ZSCAN9: variants seen among roughly 807,000 people sequenced by gnomAD.
ZSCAN9 encodes the protein zinc finger and SCAN domain-containing protein 9.
Under a neutral mutation model 23.0 loss-of-function variants are expected in ZSCAN9, and 19 were observed. The observed-to-expected ratio is 0.83, with a 90% confidence interval of 0.58 to 1.21. The LOEUF (loss-of-function observed/expected upper bound fraction) is 1.21. Ranked by LOEUF, ZSCAN9 falls within the 50% of genes most tolerant of loss-of-function variation. The probability of loss-of-function intolerance (pLI) is 0.00; values close to 1 mark genes in which losing one functional copy is unlikely to be tolerated. For missense variants in ZSCAN9, 467 were observed against 471.5 expected, an observed-to-expected ratio of 0.99 and a Z score of 0.09; for synonymous variants, 155 against 164.8, an observed-to-expected ratio of 0.94 and a Z score of 0.46.
At chr6:28,232,031 G>A (rs1760315120) in intron 3 of ZSCAN9, among the ~76,000 whole-genome samples, 1 of 152,084 alleles carries the variant, frequency 6.6e-6, no homozygotes, top group East Asian at 1.9e-4. Context: ...TCCCTATGAA[G>A]TATAAAAAAG....
At chr6:28,230,357 G>A in intron 3 of ZSCAN9, 1 of 1,527,754 alleles carries the variant, frequency 6.5e-7, no homozygotes. Context: ...AGTTTGAGGA[G>A]AAGGGCAGTA....
At position 28,227,801 on chromosome 6, in the gene ZSCAN9, G is replaced by T. The variant is rs1581561854; in HGVS notation, c.532G>T (p.Asp178Tyr). The stretch of plus-strand genomic sequence containing the variant: ...GCCTAAGGAGCCACAGCTCACATGT[G>T]ACTCTGCTCAGAAGTGCCATTCTAT... ...SQPKEPQLTC[D>Y]SAQKCHSIGE... is the part of the protein sequence containing the mutation. Residue 178 changes from aspartate (D) to tyrosine (Y), a missense_variant, in exon 3 of 4, where the codon GAC (aspartate) becomes TAC (tyrosine). Transcript: ENST00000252207. The T allele has an allele frequency of 6.2e-7, 1 of 1,613,552 alleles. No individual in the cohort carries two copies. Among genetic ancestry groups the T allele is most frequent in the Non-Finnish European group, 8.5e-7 (1 of 1,179,852 alleles).
chr6:28,227,698 CCACAGA>C lies in ZSCAN9; in HGVS notation c.438_443del (p.His146_Arg147del), dbSNP rs778560233. Reference sequence around the variant, plus strand: ...TGTCTTTTTGTCCCCAGATGGTGGCCCACAGACACAGACAAGAAGTCCTCTGTAAAG... The same window carrying C: ...TGTCTTTTTGTCCCCAGATGGTGGCCCACAGACAAGAAGTCCTCTGTAAAG... On this transcript the variant is annotated inframe_deletion, in exon 3 of 4. Coordinates refer to ENST00000252207, the MANE Select transcript of ZSCAN9 (RefSeq NM_006299.5). 1.8e-5 allele frequency: 29 copies of C among 1,594,816 alleles called. No homozygotes were observed. Among genetic ancestry groups the C allele is most frequent in the Admixed American group, 9.5e-5 (5 of 52,718 alleles).
intron 3 of ZSCAN9, chr6:28,228,793 C>A (rs1294754718): frequency 6.5e-6 from 1 of 154,462 alleles, no homozygotes; most frequent in Non-Finnish European, 1.5e-5. Context: ...AGTGGCAGAA[C>A]TGTATGGGAG....
rs1031442112 is a variant in ZSCAN9, at chr6:28,232,987, C to T, written c.994C>T (p.His332Tyr). 6 of 1,614,028 alleles carry T rather than the reference C, an allele frequency of 3.7e-6. No individual in the cohort carries two copies. Among genetic ancestry groups the T allele is most frequent in the Non-Finnish European group, 5.1e-6 (6 of 1,180,042 alleles). ...SAGLIQHQRIHKGEKPYQCSQ... is the reference protein window; with the variant it reads ...SAGLIQHQRIYKGEKPYQCSQ... ...GGGTCTTATCCAGCATCAGAGAATC[C>T]ACAAAGGAGAAAAGCCGTATCAGTG... The change falls in exon 4 of 4, where the codon CAC (histidine) becomes TAC (tyrosine). Residue 332 changes from histidine (H) to tyrosine (Y), a missense_variant. By Grantham distance (83) the His-to-Tyr change is moderately conservative. Coordinates refer to ENST00000252207, the MANE Select transcript of ZSCAN9 (RefSeq NM_006299.5).
At chr6:28,230,602 A>T in intron 3 of ZSCAN9, 1 of 957,276 alleles carries the variant, frequency 1.0e-6, no homozygotes, top group Non-Finnish European at 1.5e-6. Context: ...TCTGGGTTGC[A>T]AAGTGAAATC....
chr6:28,230,423 CT>C, intron 3 of ZSCAN9: 1 of 1,536,040 alleles, frequency 6.5e-7, no homozygotes, highest in African/African-American at 1.4e-5. Context: ...TTTTCCAAAC[CT>C]GTTGTGATCC....
rs1245950004 is a variant in ZSCAN9, at chr6:28,233,186, C to G, written c.*8C>G. The stretch of plus-strand genomic sequence containing the variant: ...GTGGCTGAGCTGGTCTAGGGCTTGG[C>G]TATGAGCAAGTTTTCCAGATCACCA... On this transcript the variant is annotated 3_prime_UTR_variant, in exon 4 of 4. Transcript: ENST00000252207. 1 of 1,604,172 alleles carries G rather than the reference C, an allele frequency of 6.2e-7. No homozygotes were observed. Among genetic ancestry groups the G allele is most frequent in the South Asian group, 1.1e-5 (1 of 90,352 alleles).
chr6:28,230,845 G>A (rs958528302), intron 3 of ZSCAN9, among the ~76,000 whole-genome samples: 1 of 152,164 alleles, frequency 6.6e-6, no homozygotes, highest in Admixed American at 6.5e-5. Flanking sequence ...AATTAAGATA[G>A]ACCTCATTGA....
chr6:28,230,326 T>C (rs1561847263), intron 3 of ZSCAN9: 14 of 1,525,062 alleles, frequency 9.2e-6, no homozygotes, highest in Non-Finnish European at 9.6e-6. Context: ...AGCTCCCTTA[T>C]GGATTTCAGA....
Position 28,227,398 on chromosome 6 carries a change from C to T in ZSCAN9, c.314C>T (p.Pro105Leu). 2 of 1,614,126 alleles carry T rather than the reference C, an allele frequency of 1.2e-6. No individual in the cohort carries two copies. The highest frequency in any genetic ancestry group is 1.1e-5 in the South Asian group (1 of 91,088). ...LVLEQFLSIL[P>L]KELQGWVREH... ...CTGGAGCAGTTTCTATCCATTCTGC[C>T]CAAGGAGCTCCAGGGCTGGGTGAGG... is the stretch of plus-strand genomic sequence containing the variant. The change falls in exon 2 of 4, where the codon CCC becomes CTC. Residue 105 changes from proline to leucine, a missense_variant. Transcript: ENST00000252207.
At chr6:28,230,496 T>C in intron 3 of ZSCAN9, 2 of 1,535,124 alleles carry the variant, frequency 1.3e-6, no homozygotes, top group Non-Finnish European at 1.7e-6. Flanking sequence ...GAGGTACCTA[T>C]TCTTGTATGT....
chr6:28,232,917 A>G lies in ZSCAN9; in HGVS notation c.924A>G (p.Lys308=). The G allele has an allele frequency of 6.2e-7, 1 of 1,614,124 alleles. No homozygotes were observed. Among genetic ancestry groups the G allele is most frequent in the Non-Finnish European group, 8.5e-7 (1 of 1,180,030 alleles). ...FNHRGIHNIQ[K]RYHCKECGKV... is the part of the protein sequence containing the mutation. ...ACCGAGGAATCCACAATATACAGAA[A>G]CGGTACCACTGCAAGGAGTGTGGGA... The change falls in exon 4 of 4, where the codon AAA becomes AAG. Residue 308 remains lysine (K), a synonymous_variant. Coordinates refer to ENST00000252207, the MANE Select transcript of ZSCAN9 (RefSeq NM_006299.5).
At chr6:28,231,647 G>A (rs781590535) in intron 3 of ZSCAN9, among the ~76,000 whole-genome samples, 2 of 151,904 alleles carry the variant, frequency 1.3e-5, no homozygotes, top group Non-Finnish European at 2.9e-5. Flanking sequence ...CCAGCTACTC[G>A]GGAGGCTGAG....
At position 28,227,731 on chromosome 6, in the gene ZSCAN9, G is replaced by A; in HGVS notation, c.462G>A (p.Glu154=). The change falls in exon 3 of 4, where the codon GAG becomes GAA. Residue 154 remains glutamate, a synonymous_variant. Transcript: ENST00000252207. ...ACAGACAAGAAGTCCTCTGTAAAGA[G>A]ATGGTGCCTCTAGCAGAGCAGACAC... ...HRHRQEVLCK[E]MVPLAEQTPL... 1 of 1,610,580 alleles carries A rather than the reference G, an allele frequency of 6.2e-7. No individual in the cohort carries two copies. The highest frequency in any genetic ancestry group is 1.1e-5 in the South Asian group (1 of 90,390).
rs1217307726 is a variant in ZSCAN9, at chr6:28,232,732, A to G, written c.739A>G (p.Asn247Asp). ...HKDRIERQWG[N>D]LLGEGQHKCD... ...GGATAGGATAGAGAGGCAGTGGGGA[A>G]ACCTCTTAGGAGAGGGGCAACACAA... The change falls in exon 4 of 4, where the codon AAC becomes GAC. Residue 247 changes from asparagine (N) to aspartate (D), a missense_variant. Coordinates refer to ENST00000252207, the MANE Select transcript of ZSCAN9 (RefSeq NM_006299.5). The G allele has an allele frequency of 5.0e-6, 8 of 1,614,206 alleles. No homozygotes were observed. Among genetic ancestry groups the G allele is most frequent in the African/African-American group, 1.3e-5 (1 of 75,034 alleles).
chr6:28,230,389 C>CTGTTCTCTT (rs1324352723), intron 3 of ZSCAN9: 1 of 1,536,082 alleles, frequency 6.5e-7, no homozygotes, highest in East Asian at 2.4e-5. Flanking sequence ...TGGGGCCCAT[C>CTGTTCTCTT]TGTTCTCTAC....
intron 3 of ZSCAN9, among the ~76,000 whole-genome samples, chr6:28,231,730 C>CAA (rs57266614): frequency 8.4e-5 from 8 of 95,348 alleles, no homozygotes; most frequent in African/African-American, 9.4e-5. Context: ...GACTCCGTCT[C>CAA]AAAAAAAAAA....
At chr6:28,230,314 C>A in intron 3 of ZSCAN9, 2 of 1,503,354 alleles carry the variant, frequency 1.3e-6, no homozygotes, top group Non-Finnish European at 8.9e-7. Flanking sequence ...TATATTCTAC[C>A]CAGCTCCCTT....
Sources: allele counts gnomAD v4.1 joint callset (sites outside exome capture counted in the v4.1 genomes callset), GRCh38; gene constraint gnomAD v4.1.1; transcripts MANE v1.5; gene names NCBI Gene and HGNC (gene_info 2026-07-23, HGNC 2026-07-21).